Variants in LUZP2 observed in about 807,000 individuals in gnomAD.
LUZP2 encodes leucine zipper protein 2.
LUZP2 carries 52 observed loss-of-function variants against 51.6 expected under a neutral mutation model. The observed-to-expected ratio is 1.01, with a 90% CI of 0.81 to 1.27. The LOEUF (loss-of-function observed/expected upper bound fraction) is 1.27. Ranked by LOEUF, LUZP2 falls within the 50% of genes most tolerant of loss-of-function variation. LUZP2 has a pLI of 0.00. For synonymous variants in LUZP2, 154 were observed against 137.3 expected (o/e 1.12, Z -0.85); for missense variants, 436 against 395.4 (o/e 1.10, Z -0.87).
At position 24,674,791 on chromosome 11, in the gene LUZP2, G is replaced by A. The variant is rs12284200; in HGVS notation, c.63-54378G>A. ...TCTCCCTCTCCTGCCTGCTCCCTGC[G>A]CATTTAACAATTCCATATGTAATAT... On this transcript the variant is annotated intron_variant, in intron 1 of 11. Coordinates refer to ENST00000336930, the MANE Select transcript of LUZP2 (RefSeq NM_001009909.4). Among the ~76,000 whole-genome samples the A allele has an allele frequency of 1.4e-3, 206 of 151,856 alleles. 1 individual carries two copies. The highest frequency in any genetic ancestry group is 6.2e-3 in the South Asian group (30 of 4,812).
rs76833895 is a variant in LUZP2 at position 24,980,967 on chromosome 11, G to T, written c.598-2159G>T. Among the ~76,000 whole-genome samples, 1,287 of 151,956 alleles carry T rather than the reference G, an allele frequency of 8.5e-3. 43 individuals are homozygous for T. In the East Asian group the frequency reaches 0.12, roughly 14 times the overall value. ...TCACATTTTAAAACAAGTAGGAAAA[G>T]TGGTGTGCTGCAGGGAGCGGAAAGA... On this transcript the variant is annotated intron_variant, in intron 8 of 11. Transcript: ENST00000336930.
At chr11:24,971,129 A>G (rs1226342777) in intron 7 of LUZP2, among the ~76,000 whole-genome samples, 1 of 152,092 alleles carries the variant, frequency 6.6e-6, no homozygotes, top group Admixed American at 6.6e-5. Flanking sequence ...GGAACAATGG[A>G]CACTGTTGTC....
intron 1 of LUZP2, among the ~76,000 whole-genome samples, chr11:24,585,766 C>T (rs1853042728): frequency 6.6e-6 from 1 of 151,962 alleles, no homozygotes; most frequent in Non-Finnish European, 1.5e-5. Context: ...TCTGAATGAG[C>T]CGCTTTCAGA....
intron 7 of LUZP2, among the ~76,000 whole-genome samples, chr11:24,923,228 A>G (rs369976306): frequency 7.9e-5 from 12 of 152,172 alleles, no homozygotes; most frequent in African/African-American, 2.9e-4. Context: ...TTGTATTTTA[A>G]GGTGATTTAC....
intron 5 of LUZP2, among the ~76,000 whole-genome samples, chr11:24,795,279 T>C (rs1048645597): frequency 2.6e-5 from 4 of 152,160 alleles, no homozygotes; most frequent in African/African-American, 9.6e-5. Context: ...CCTTTTTGTT[T>C]GTTTACTTTT....
intron 9 of LUZP2, among the ~76,000 whole-genome samples, chr11:25,049,671 CTATA>C (rs543070075): frequency 3.3e-5 from 5 of 151,854 alleles, no homozygotes; most frequent in Non-Finnish European, 7.4e-5. Flanking sequence ...TATTATTTCT[CTATA>C]TACTGGGGGT....
At chr11:24,911,512 T>A (rs1183576458) in intron 6 of LUZP2, among the ~76,000 whole-genome samples, 2 of 152,000 alleles carry the variant, frequency 1.3e-5, no homozygotes, top group Non-Finnish European at 2.9e-5. Context: ...GATCCAATGG[T>A]TTTTTAAGCA....
At chr11:24,900,879 G>A (rs1357504948) in intron 5 of LUZP2, among the ~76,000 whole-genome samples, 1 of 152,174 alleles carries the variant, frequency 6.6e-6, no homozygotes, top group Non-Finnish European at 1.5e-5. Flanking sequence ...TGCTCAAACT[G>A]TTAAATTTAA....
At chr11:24,833,712 G>GCACACA (rs71044309) in intron 5 of LUZP2, among the ~76,000 whole-genome samples, 3,908 of 147,216 alleles carry the variant, frequency 0.027, 172 homozygotes, top group African/African-American at 0.091. Context: ...CCGCGCGCGC[G>GCACACA]CACACACACA....
At chr11:24,797,807 T>A (rs1255412021) in intron 5 of LUZP2, among the ~76,000 whole-genome samples, 2 of 152,218 alleles carry the variant, frequency 1.3e-5, no homozygotes, top group East Asian at 3.8e-4. Flanking sequence ...TAAAGTTCTT[T>A]TATAAATCTG....
At chr11:24,544,058 G>T (rs1851463878) in intron 1 of LUZP2, among the ~76,000 whole-genome samples, 1 of 151,936 alleles carries the variant, frequency 6.6e-6, no homozygotes. Context: ...GGTAGCAGTT[G>T]AGATATGGCT....
At chr11:25,022,014 A>G (rs760702000) in intron 9 of LUZP2, among the ~76,000 whole-genome samples, 4 of 152,004 alleles carry the variant, frequency 2.6e-5, no homozygotes, top group African/African-American at 9.7e-5. Context: ...TTGGTTCATT[A>G]AGGTTAGAAA....
At chr11:24,792,320 G>C (rs548593549) in intron 5 of LUZP2, among the ~76,000 whole-genome samples, 1 of 151,906 alleles carries the variant, frequency 6.6e-6, no homozygotes, top group Admixed American at 6.6e-5. Context: ...CCAGCTACTT[G>C]GGAGGCTGAG....
chr11:24,932,849 A>T (rs1364325396), intron 7 of LUZP2, among the ~76,000 whole-genome samples: 1 of 152,160 alleles, frequency 6.6e-6, no homozygotes, highest in East Asian at 1.9e-4. Context: ...CTCTGCATTC[A>T]GTCAGAATTG....
intron 1 of LUZP2, among the ~76,000 whole-genome samples, chr11:24,681,599 T>G (rs1337380195): frequency 6.6e-6 from 1 of 152,194 alleles, no homozygotes; most frequent in Non-Finnish European, 1.5e-5. Flanking sequence ...CTAATTGTAG[T>G]CTTAAATGTA....
chr11:24,932,016 T>C (rs1401787967), intron 7 of LUZP2, among the ~76,000 whole-genome samples: 1 of 152,160 alleles, frequency 6.6e-6, no homozygotes, highest in Non-Finnish European at 1.5e-5. Flanking sequence ...CTGCAGTGAT[T>C]GTTATTTCTC....
intron 7 of LUZP2, among the ~76,000 whole-genome samples, chr11:24,926,902 T>A (rs1180807314): frequency 1.3e-5 from 2 of 151,566 alleles, no homozygotes; most frequent in Non-Finnish European, 2.9e-5. Flanking sequence ...CACCAACAAC[T>A]ATTTTTTTTT....
chr11:24,911,354 G>C (rs925934683), intron 6 of LUZP2, among the ~76,000 whole-genome samples: 1 of 152,118 alleles, frequency 6.6e-6, no homozygotes, highest in Admixed American at 6.5e-5. Context: ...GAATGATGTG[G>C]TTTGGCTTTT....
intron 10 of LUZP2, among the ~76,000 whole-genome samples, chr11:25,061,739 A>G (rs1565297160): frequency 6.6e-6 from 1 of 152,158 alleles, no homozygotes; most frequent in African/African-American, 2.4e-5. Flanking sequence ...ACATAAAATG[A>G]TTCTTTTGAA....
Sources: allele counts gnomAD v4.1 joint callset (sites outside exome capture counted in the v4.1 genomes callset), GRCh38; gene constraint gnomAD v4.1.1; transcripts MANE v1.5; gene names NCBI Gene and HGNC (gene_info 2026-07-23, HGNC 2026-07-21).